Variants in KLHL13 observed in about 807,000 individuals in gnomAD.
KLHL13 encodes the protein kelch like family member 13, also known as kelch-like protein 13.
A neutral mutation model predicts 37.1 loss-of-function variants in KLHL13; 10 were observed. That is an observed-to-expected ratio of 0.27 (90% CI 0.17 to 0.46). The LOEUF is 0.46. KLHL13 is among the 20% of genes least tolerant of loss of function. KLHL13 has a pLI of 1.00. For synonymous variants in KLHL13, 163 were observed against 181.2 expected, an observed-to-expected ratio of 0.90 and a Z score of 0.81; for missense variants, 360 against 509.3, an observed-to-expected ratio of 0.71 and a Z score of 2.82.
chrX:117,981,631 G>A (rs1265295240), intron 1 of KLHL13, among the ~76,000 whole-genome samples: 1 of 111,512 alleles, frequency 9.0e-6, no homozygotes, highest in African/African-American at 3.3e-5. Flanking sequence ...AGAGACACTT[G>A]AGCATTTTTA....
chrX:117,970,852 T>C (rs771912181), intron 1 of KLHL13, among the ~76,000 whole-genome samples: 6 of 111,913 alleles, frequency 5.4e-5, no homozygotes, highest in Non-Finnish European at 1.1e-4. Flanking sequence ...AATTCAATAA[T>C]ATAGAGTGTT....
chrX:117,950,811 G>T (rs1238563267), intron 1 of KLHL13, among the ~76,000 whole-genome samples: 1 of 112,359 alleles, frequency 8.9e-6, no homozygotes, highest in African/African-American at 3.2e-5. Flanking sequence ...TTTCTGCTCT[G>T]AAACAGAGAA....
At chrX:117,929,580 A>T (rs1290054876) in intron 2 of KLHL13, among the ~76,000 whole-genome samples, 1 of 110,368 alleles carries the variant, frequency 9.1e-6, no homozygotes, top group Non-Finnish European at 1.9e-5. Context: ...AAATGCTAAG[A>T]TCATTTCTTA....
chrX:117,943,551 G>T (rs1403979061), intron 2 of KLHL13, among the ~76,000 whole-genome samples: 1 of 108,168 alleles, frequency 9.2e-6, no homozygotes, highest in Non-Finnish European at 1.9e-5. Context: ...CTTTGATCTT[G>T]TCTTCTTGCT....
At chrX:117,971,271 G>GGTTTT (rs768516259) in intron 1 of KLHL13, among the ~76,000 whole-genome samples, 6 of 111,138 alleles carry the variant, frequency 5.4e-5, no homozygotes, top group South Asian at 7.5e-4. Context: ...ATTTTAGTGA[G>GGTTTT]GTTTTGTTTT....
intron 5 of KLHL13, 79 bp downstream of exon 6, chrX:117,909,222 C>A: frequency 1.2e-6 from 1 of 841,212 alleles, no homozygotes; most frequent in Non-Finnish European, 1.7e-6. Flanking sequence ...TCTGATTTTA[C>A]AGGACTGCTT....
intron 1 of KLHL13, among the ~76,000 whole-genome samples, chrX:118,007,091 T>C (rs1322975068): frequency 9.0e-6 from 1 of 110,599 alleles, no homozygotes; most frequent in Non-Finnish European, 1.9e-5. Context: ...CTGATTTGAG[T>C]AGCCTCCCAA....
chrX:117,945,404 A>C, intron 2 of KLHL13, 30 bp downstream of exon 3: 1 of 1,191,795 alleles, frequency 8.4e-7, no homozygotes, highest in Non-Finnish European at 1.1e-6. Context: ...AAAGCTACGT[A>C]AACACTACCA....
At chrX:118,075,055 G>GT (rs1455420979) in intron 1 of KLHL13, among the ~76,000 whole-genome samples, 1 of 111,898 alleles carries the variant, frequency 8.9e-6, no homozygotes, top group Non-Finnish European at 1.9e-5. Context: ...ATACACTACA[G>GT]TTAATATTCT....
chrX:117,952,463 C>A (rs1176361236), intron 1 of KLHL13, among the ~76,000 whole-genome samples: 5 of 106,502 alleles, frequency 4.7e-5, no homozygotes, highest in Admixed American at 2.0e-4. Context: ...AGAAGAAAAC[C>A]TAGGCATTAC....
chrX:118,090,323 A>G (rs5956008), intron 1 of KLHL13, among the ~76,000 whole-genome samples: 1 of 110,117 alleles, frequency 9.1e-6, no homozygotes, highest in Non-Finnish European at 1.9e-5. Context: ...AAACTACCAA[A>G]AGAGTGAACA....
At chrX:118,061,254 T>G (rs985415973) in intron 1 of KLHL13, among the ~76,000 whole-genome samples, 1 of 111,722 alleles carries the variant, frequency 9.0e-6, no homozygotes, top group African/African-American at 3.2e-5. Flanking sequence ...GAGGAGCATT[T>G]TGGAAATGTG....
intron 4 of KLHL13, among the ~76,000 whole-genome samples, chrX:117,913,318 T>C (rs1416586436): frequency 4.5e-5 from 5 of 112,115 alleles, no homozygotes; most frequent in African/African-American, 1.6e-4. Flanking sequence ...AAATGGATAA[T>C]TGGATATCCA....
At chrX:118,031,266 C>T (rs1293599018) in intron 1 of KLHL13, among the ~76,000 whole-genome samples, 2 of 108,043 alleles carry the variant, frequency 1.9e-5, no homozygotes, top group African/African-American at 6.7e-5. Flanking sequence ...TAGTTTGAAC[C>T]TTACAACTAT....
At chrX:118,018,006 T>C (rs2054147134) in intron 1 of KLHL13, among the ~76,000 whole-genome samples, 1 of 111,495 alleles carries the variant, frequency 9.0e-6, no homozygotes, top group Non-Finnish European at 1.9e-5. Flanking sequence ...CTCCTAGACA[T>C]TACCATAATG....
chrX:118,071,466 G>T (rs1278773872), intron 1 of KLHL13, among the ~76,000 whole-genome samples: 2 of 111,586 alleles, frequency 1.8e-5, no homozygotes, highest in Non-Finnish European at 3.8e-5. Context: ...GTGTGAGATG[G>T]TATCTCACTG....
chrX:117,910,882 A>T (rs1930940592), intron 4 of KLHL13, among the ~76,000 whole-genome samples: 1 of 111,182 alleles, frequency 9.0e-6, no homozygotes, highest in Non-Finnish European at 1.9e-5. Context: ...CGTCAACATG[A>T]GCCCAGAACC....
At chrX:118,016,115 T>C (rs1412613287) in intron 1 of KLHL13, among the ~76,000 whole-genome samples, 1 of 112,356 alleles carries the variant, frequency 8.9e-6, no homozygotes, top group Admixed American at 9.4e-5. Flanking sequence ...CTTTAGCATG[T>C]ACTATGTGCT....
chrX:117,977,733 A>G (rs1254666827), upstream of KLHL13, among the ~76,000 whole-genome samples: 1 of 112,466 alleles, frequency 8.9e-6, no homozygotes, highest in Non-Finnish European at 1.9e-5. Context: ...ATGTTCCACC[A>G]ATCAGTAAAA....
Sources: gnomAD v4.1 joint callset for allele counts (sites outside exome capture counted in the v4.1 genomes callset) on GRCh38, gnomAD v4.1.1 for gene constraint, MANE v1.5 for transcripts, NCBI Gene and HGNC (gene_info 2026-07-23, HGNC 2026-07-21) for gene names.